The following CSMD1 variants were observed in gnomAD, a reference collection of about 807,000 sequenced individuals.
CSMD1 encodes CUB and sushi domain-containing protein 1.
In CSMD1, 213 loss-of-function variants were observed where a neutral mutation model predicts 417.5. That is an observed-to-expected ratio of 0.51 (90% CI 0.46 to 0.57). The LOEUF is 0.57. Among genes scored for constraint, CSMD1 ranks in the 20% least tolerant of loss-of-function variants. The probability of loss-of-function intolerance (pLI) is 0.00; values close to 1 mark genes in which losing one functional copy is unlikely to be tolerated. For synonymous variants in CSMD1, 2,862 were observed against 1,736.8 expected, an observed-to-expected ratio of 1.65 and a Z score of -16.11; for missense variants, 6,923 against 4,529.7, an observed-to-expected ratio of 1.53 and a Z score of -15.17.
intron 3 of CSMD1, among the ~76,000 whole-genome samples, chr8:4,123,252 G>T (rs1416887564): frequency 6.6e-6 from 1 of 152,180 alleles, no homozygotes; most frequent in Non-Finnish European, 1.5e-5. Flanking sequence ...TGTAGTAAAT[G>T]ATACAGGCTT....
chr8:3,252,474 T>C (rs1282868199), intron 26 of CSMD1, among the ~76,000 whole-genome samples: 3 of 152,194 alleles, frequency 2.0e-5, no homozygotes, highest in Non-Finnish European at 4.4e-5. Context: ...CAGTATTTTA[T>C]TGAGGATTTT....
intron 2 of CSMD1, among the ~76,000 whole-genome samples, chr8:4,636,847 G>C (rs1433527832): frequency 6.6e-6 from 1 of 152,142 alleles, no homozygotes; most frequent in Non-Finnish European, 1.5e-5. Flanking sequence ...TGGGGACTTG[G>C]AGAACTTTTC....
intron 1 of CSMD1, among the ~76,000 whole-genome samples, chr8:4,909,083 T>A (rs61275510): frequency 0.067 from 10,158 of 152,040 alleles, 424 homozygotes; most frequent in African/African-American, 0.08. Flanking sequence ...GGACTAGGAG[T>A]TGGATTATGT....
At chr8:4,968,674 G>T (rs913963530) in intron 1 of CSMD1, among the ~76,000 whole-genome samples, 1 of 152,028 alleles carries the variant, frequency 6.6e-6, no homozygotes, top group Admixed American at 6.6e-5. Flanking sequence ...AAAAGACTTA[G>T]CTATCTCTGC....
In CSMD1 at chr8:4,848,589, C is replaced by T. The variant is rs149215226; in HGVS notation, c.85+145743G>A. Among the ~76,000 whole-genome samples the T allele has an allele frequency of 4.4e-3, 663 of 151,472 alleles. 4 individuals carry two copies. Among genetic ancestry groups the T allele is most frequent in the African/African-American group, 0.015 (600 of 41,240 alleles). On this transcript the variant is annotated intron_variant, in intron 1 of 69. Coordinates refer to ENST00000635120, the MANE Select transcript of CSMD1 (RefSeq NM_033225.6). ...AGTCTCACTCTGTCACCCAGGCCTGCGGTGCTGTGGCACCGTGTCGGCTCA... is the reference window on the plus strand; with the variant it reads ...AGTCTCACTCTGTCACCCAGGCCTGTGGTGCTGTGGCACCGTGTCGGCTCA...
intron 5 of CSMD1, among the ~76,000 whole-genome samples, chr8:3,948,116 T>A (rs1811360259): frequency 6.6e-6 from 1 of 152,070 alleles, no homozygotes. Flanking sequence ...TGAGGCAGGA[T>A]AACTGCTTTA....
chr8:4,653,968 C>T (rs1055147635), intron 1 of CSMD1, among the ~76,000 whole-genome samples: 3 of 151,982 alleles, frequency 2.0e-5, no homozygotes, highest in Non-Finnish European at 2.9e-5. Context: ...GGATTGGTTT[C>T]ATTTACTCAT....
intron 1 of CSMD1, among the ~76,000 whole-genome samples, chr8:4,919,498 G>A (rs4509354): frequency 0.97 from 148,052 of 152,326 alleles, 72,040 homozygotes; most frequent in East Asian, 1. Flanking sequence ...GCATGTTATC[G>A]GTCATTTTGA....
chr8:3,666,847 A>G (rs565600549), intron 7 of CSMD1, among the ~76,000 whole-genome samples: 1 of 152,240 alleles, frequency 6.6e-6, no homozygotes, highest in South Asian at 2.1e-4. Context: ...CTTTTTCTTT[A>G]CAAATTACTC....
At chr8:3,334,366 C>G (rs1214829602) in intron 23 of CSMD1, among the ~76,000 whole-genome samples, 3 of 152,192 alleles carry the variant, frequency 2.0e-5, no homozygotes, top group African/African-American at 7.2e-5. Context: ...ACCAAAATGA[C>G]AATGCTTAGT....
At chr8:3,651,424 T>C (rs1233525778) in intron 7 of CSMD1, among the ~76,000 whole-genome samples, 1 of 152,078 alleles carries the variant, frequency 6.6e-6, no homozygotes, top group Non-Finnish European at 1.5e-5. Flanking sequence ...ACCTCGAACT[T>C]GCTGAGCACG....
intron 2 of CSMD1, among the ~76,000 whole-genome samples, chr8:4,599,134 T>G (rs900188910): frequency 6.6e-6 from 1 of 152,138 alleles, no homozygotes; most frequent in East Asian, 1.9e-4. Context: ...CAGACTAAGG[T>G]ATTAAAAAAT....
chr8:3,549,888 T>G (rs1287625180), intron 10 of CSMD1, among the ~76,000 whole-genome samples: 1 of 152,292 alleles, frequency 6.6e-6, no homozygotes, highest in East Asian at 1.9e-4. Context: ...GTGTAACAAA[T>G]GTAATTTGAA....
At chr8:4,720,099 C>T (rs189910784) in intron 1 of CSMD1, among the ~76,000 whole-genome samples, 66 of 151,522 alleles carry the variant, frequency 4.4e-4, no homozygotes, top group Admixed American at 7.2e-4. Flanking sequence ...TGTAAAATAC[C>T]ACCTCTTAAT....
At chr8:4,336,619 T>C (rs1189071659) in intron 3 of CSMD1, among the ~76,000 whole-genome samples, 1 of 152,190 alleles carries the variant, frequency 6.6e-6, no homozygotes. Flanking sequence ...ATTTGTTGTG[T>C]TGCACAAATG....
chr8:3,495,162 T>C (rs185165447), intron 10 of CSMD1, among the ~76,000 whole-genome samples: 74 of 152,366 alleles, frequency 4.9e-4, no homozygotes, highest in Non-Finnish European at 8.8e-5. Flanking sequence ...CAAACCAGTA[T>C]AAATACTGCA....
chr8:3,523,801 G>T (rs912316674), intron 10 of CSMD1, among the ~76,000 whole-genome samples: 1 of 119,308 alleles, frequency 8.4e-6, no homozygotes. Context: ...ATGCACACAT[G>T]TGCACATACA....
chr8:4,666,758 C>A (rs1258820323), intron 1 of CSMD1, among the ~76,000 whole-genome samples: 1 of 152,102 alleles, frequency 6.6e-6, no homozygotes, highest in African/African-American at 2.4e-5. Flanking sequence ...AGTCCTTCAT[C>A]AGATATGTAT....
intron 16 of CSMD1, among the ~76,000 whole-genome samples, chr8:3,396,648 A>G (rs1257384836): frequency 6.6e-6 from 1 of 152,188 alleles, no homozygotes; most frequent in Non-Finnish European, 1.5e-5. Context: ...TTCAGCTTAA[A>G]CAAAAATACT....
Sources: gnomAD v4.1 joint callset for allele counts (sites outside exome capture counted in the v4.1 genomes callset) on GRCh38, gnomAD v4.1.1 for gene constraint, MANE v1.5 for transcripts, NCBI Gene and HGNC (gene_info 2026-07-23, HGNC 2026-07-21) for gene names.